MAF: variants seen among roughly 807,000 people sequenced by gnomAD.
The protein encoded by MAF is transcription factor Maf.
A neutral mutation model predicts 22.0 loss-of-function variants in MAF; 10 were observed. The observed-to-expected ratio is 0.45, with a 90% CI of 0.28 to 0.77. The LOEUF is 0.77. Among genes scored for constraint, MAF ranks in the 30% least tolerant of loss-of-function variants. MAF has a pLI of 0.12. For synonymous variants in MAF, 337 were observed against 255.8 expected (o/e 1.32, Z -3.03); for missense variants, 544 against 548.4 (o/e 0.99, Z 0.08).
chr16:79,478,273 T>C, the MAF span, among the ~76,000 whole-genome samples: 1 of 152,212 alleles, frequency 6.6e-6, no homozygotes, highest in Non-Finnish European at 1.5e-5. Flanking sequence ...CACATTCCTG[T>C]GTCCACACTT....
rs79049104 is a variant in MAF, at chr16:79,594,604, G to A, written c.1119-51C>T. Reference sequence around the variant, plus strand: ...AACACTATTTAGACAAAGATCAAACGCAGCGTAAAGGGGAAAGCTAGATTT... The same window carrying A: ...AACACTATTTAGACAAAGATCAAACACAGCGTAAAGGGGAAAGCTAGATTT... On this transcript the variant is annotated intron_variant, in intron 1 of 1. Coordinates refer to ENST00000326043, the MANE Select transcript of MAF (RefSeq NM_005360.5). 1.8e-4 allele frequency: 274 copies of A among 1,549,402 alleles called. No homozygotes were observed. The African/African-American group carries it at 3.2e-3, about 18-fold the overall frequency.
chr16:79,359,217 A>G, the MAF span, among the ~76,000 whole-genome samples: 1 of 152,138 alleles, frequency 6.6e-6, no homozygotes, highest in African/African-American at 2.4e-5. Context: ...TTACGCCATC[A>G]CTTTCTTTCC....
downstream of MAF, among the ~76,000 whole-genome samples, chr16:79,589,088 A>T (rs761256378): frequency 6.6e-6 from 1 of 152,062 alleles, no homozygotes; most frequent in Non-Finnish European, 1.5e-5. Context: ...AGAGGGAGAG[A>T]GTAAAAAGTA....
At chr16:79,552,941 A>G in the MAF span, among the ~76,000 whole-genome samples, 1 of 152,236 alleles carries the variant, frequency 6.6e-6, no homozygotes, top group Non-Finnish European at 1.5e-5. Flanking sequence ...CGGCAATAGC[A>G]GGAAGCTGTG....
chr16:79,260,549 C>G, the MAF span, among the ~76,000 whole-genome samples: 135 of 150,982 alleles, frequency 8.9e-4, 2 homozygotes, highest in African/African-American at 3.1e-3. Flanking sequence ...ACTATGAGAG[C>G]AGGGATTTCA....
At chr16:79,239,790 A>G in the MAF span, among the ~76,000 whole-genome samples, 29 of 152,038 alleles carry the variant, frequency 1.9e-4, 1 homozygote, top group Admixed American at 1.8e-3. Context: ...TGCTCTCAAA[A>G]TATCTATTGA....
the MAF span, among the ~76,000 whole-genome samples, chr16:79,342,492 G>A: frequency 6.6e-6 from 1 of 151,942 alleles, no homozygotes; most frequent in Non-Finnish European, 1.5e-5. Flanking sequence ...ATTCCAAGAG[G>A]TGGCCCTAAA....
the MAF span, among the ~76,000 whole-genome samples, chr16:79,554,057 C>G: frequency 6.6e-6 from 1 of 152,068 alleles, no homozygotes; most frequent in South Asian, 2.1e-4. Flanking sequence ...CCACTGGACT[C>G]CATGCTGGGT....
At chr16:79,381,143 T>G in the MAF span, among the ~76,000 whole-genome samples, 4 of 151,986 alleles carry the variant, frequency 2.6e-5, no homozygotes, top group African/African-American at 9.7e-5. Flanking sequence ...TAGAGATCAA[T>G]GATAAGTAGA....
the MAF span, among the ~76,000 whole-genome samples, chr16:79,369,151 T>C: frequency 6.6e-6 from 1 of 152,232 alleles, no homozygotes; most frequent in African/African-American, 2.4e-5. Flanking sequence ...GCTTTGCAAA[T>C]GAGGCAACTA....
the MAF span, among the ~76,000 whole-genome samples, chr16:79,348,657 G>A: frequency 6.6e-6 from 1 of 152,212 alleles, no homozygotes; most frequent in Non-Finnish European, 1.5e-5. Context: ...GGAAACAAAA[G>A]CATGGCTTGG....
At chr16:79,437,993 G>A in the MAF span, among the ~76,000 whole-genome samples, 1 of 152,180 alleles carries the variant, frequency 6.6e-6, no homozygotes, top group African/African-American at 2.4e-5. Context: ...CCAGGGCACC[G>A]GGAAGCCGGG....
At chr16:79,320,654 T>C in the MAF span, among the ~76,000 whole-genome samples, 2 of 152,204 alleles carry the variant, frequency 1.3e-5, no homozygotes, top group Non-Finnish European at 2.9e-5. Flanking sequence ...TGAATGAATG[T>C]GCCTCCAGCT....
the MAF span, among the ~76,000 whole-genome samples, chr16:79,232,220 A>G: frequency 6.6e-6 from 1 of 152,094 alleles, no homozygotes; most frequent in Non-Finnish European, 1.5e-5. Context: ...TATAGACAAT[A>G]TACAAGTTAA....
the MAF span, among the ~76,000 whole-genome samples, chr16:79,509,290 G>C: frequency 6.6e-6 from 1 of 152,178 alleles, no homozygotes; most frequent in East Asian, 1.9e-4. Flanking sequence ...CTCTAACAAA[G>C]CCCTCTAGGC....
chr16:79,344,516 G>C, the MAF span, among the ~76,000 whole-genome samples: 1 of 152,174 alleles, frequency 6.6e-6, no homozygotes. Context: ...CAGGACATAG[G>C]TTTAAAGATA....
the MAF span, among the ~76,000 whole-genome samples, chr16:79,380,582 T>C: frequency 1.8e-4 from 27 of 152,354 alleles, no homozygotes; most frequent in African/African-American, 6.3e-4. Context: ...ATATATTCTT[T>C]CCATTATCAT....
At chr16:79,296,373 G>T in the MAF span, among the ~76,000 whole-genome samples, 3 of 152,252 alleles carry the variant, frequency 2.0e-5, no homozygotes, top group South Asian at 2.1e-4. Flanking sequence ...CTGTCGGGGG[G>T]CAGGGTGTAG....
the MAF span, among the ~76,000 whole-genome samples, chr16:79,303,574 A>T: frequency 2.6e-5 from 4 of 152,228 alleles, no homozygotes; most frequent in African/African-American, 9.6e-5. Context: ...GCCCTCTTCC[A>T]AAGGCTGTTG....
Sources: gnomAD v4.1 joint callset for allele counts (sites outside exome capture counted in the v4.1 genomes callset) on GRCh38, gnomAD v4.1.1 for gene constraint, MANE v1.5 for transcripts, NCBI Gene and HGNC (gene_info 2026-07-23, HGNC 2026-07-21) for gene names.